The following PKHD1 variants were observed in gnomAD, a reference collection of about 807,000 sequenced individuals.
The protein encoded by PKHD1 is fibrocystin.
In PKHD1, 291 loss-of-function variants were observed where a neutral mutation model predicts 412.0. That is an observed-to-expected ratio of 0.71 (90% confidence interval 0.64 to 0.78). PKHD1 has a LOEUF of 0.78. Among genes scored for constraint, PKHD1 ranks in the 30% least tolerant of loss-of-function variants. The pLI, the probability that PKHD1 is intolerant of heterozygous loss-of-function variation, is 0.00. For missense variants in PKHD1, 4,825 were observed against 4,950.7 expected (o/e 0.97, Z 0.76); for synonymous variants, 1,777 against 1,821.5 (o/e 0.98, Z 0.62).
chr6:51,944,770 G>A (rs756958736), intron 36 of PKHD1, among the ~76,000 whole-genome samples: 2 of 152,164 alleles, frequency 1.3e-5, no homozygotes, highest in African/African-American at 2.4e-5. Context: ...TGGTCTTGAC[G>A]AATTGATTTT....
chr6:51,940,936 A>G (rs1330073396), intron 36 of PKHD1, among the ~76,000 whole-genome samples: 7 of 151,344 alleles, frequency 4.6e-5, no homozygotes, highest in African/African-American at 1.5e-4. Flanking sequence ...CAGTTCCCTT[A>G]TTAGGCCGAG....
intron 22 of PKHD1, among the ~76,000 whole-genome samples, chr6:52,049,302 G>A (rs1358950468): frequency 1.3e-5 from 2 of 152,170 alleles, no homozygotes; most frequent in African/African-American, 2.4e-5. Context: ...ACATATTTGT[G>A]TATCCAAACA....
chr6:51,852,215 G>T (rs578215186), intron 49 of PKHD1, among the ~76,000 whole-genome samples: 1 of 152,244 alleles, frequency 6.6e-6, no homozygotes, highest in East Asian at 1.9e-4. Flanking sequence ...GTGGTTTTGA[G>T]TGAGTTTCTT....
rs374979828 is a variant in PKHD1, at chr6:52,069,481, G to T, written c.754C>A (p.Leu252Ile). ...KAWLISAKQDLFLYQTHSEIL... is the reference protein window; with the variant it reads ...KAWLISAKQDIFLYQTHSEIL... ...CCTGAGTGTGTCTGGTATAGGAAAA[G>T]ATCCTGTTTAGCACTGATCAGCCAT... The change falls in exon 11 of 67, where the codon CTT (leucine) becomes ATT (isoleucine). Residue 252 changes from leucine to isoleucine, a missense_variant. Transcript: ENST00000371117. 4 of 1,612,860 alleles carry T rather than the reference G, an allele frequency of 2.5e-6. No individual in the cohort carries two copies. Among genetic ancestry groups the T allele is most frequent in the Non-Finnish European group, 3.4e-6 (4 of 1,178,984 alleles).
chr6:51,645,384 CATT>C (rs1325709759), intron 63 of PKHD1, among the ~76,000 whole-genome samples: 2 of 151,808 alleles, frequency 1.3e-5, no homozygotes, highest in African/African-American at 4.8e-5. Flanking sequence ...ATTTTGAAAA[CATT>C]ATTTTCTTTT....
chr6:51,872,301 G>A (rs1032990883), intron 46 of PKHD1, among the ~76,000 whole-genome samples: 5 of 152,038 alleles, frequency 3.3e-5, no homozygotes, highest in African/African-American at 1.2e-4. Flanking sequence ...ACAGCAAAGT[G>A]CATCATATTG....
intron 52 of PKHD1, among the ~76,000 whole-genome samples, chr6:51,816,803 G>A (rs1765532948): frequency 6.6e-6 from 1 of 152,212 alleles, no homozygotes; most frequent in South Asian, 2.1e-4. Context: ...CTGCACGAGA[G>A]CCTCTTTGAG....
At chr6:51,730,872 A>G (rs572301239) in intron 60 of PKHD1, among the ~76,000 whole-genome samples, 43 of 152,352 alleles carry the variant, frequency 2.8e-4, no homozygotes, top group African/African-American at 1.0e-3. Flanking sequence ...TCATCCATTC[A>G]TCTTAGGCAT....
chr6:51,929,223 T>A (rs765605895), intron 37 of PKHD1, among the ~76,000 whole-genome samples: 23 of 151,940 alleles, frequency 1.5e-4, no homozygotes, highest in Non-Finnish European at 2.8e-4. Context: ...AGAACAGACT[T>A]TATAGAAAAT....
chr6:51,975,632 A>AAC (rs1794282190), intron 35 of PKHD1: 1 of 151,268 alleles, frequency 6.6e-6, no homozygotes, highest in Admixed American at 6.6e-5. Context: ...GCCATAAAAA[A>AAC]AAAAAAAAAC....
At chr6:51,817,826 C>T (rs1765714676) in intron 52 of PKHD1, among the ~76,000 whole-genome samples, 3 of 39,628 alleles carry the variant, frequency 7.6e-5, no homozygotes, top group Non-Finnish European at 2.4e-4. Context: ...CAGAGAAGTG[C>T]CTGCCATTTG....
intron 60 of PKHD1, among the ~76,000 whole-genome samples, chr6:51,726,031 G>A (rs1187377427): frequency 6.6e-6 from 1 of 152,172 alleles, no homozygotes; most frequent in Non-Finnish European, 1.5e-5. Context: ...TAAACACACT[G>A]CTTCCTCTGC....
chr6:52,000,415 T>C (rs1798230332), intron 35 of PKHD1, among the ~76,000 whole-genome samples: 1 of 152,098 alleles, frequency 6.6e-6, no homozygotes, highest in Admixed American at 6.6e-5. Flanking sequence ...AGAAAAAAAA[T>C]GTAAGCATTA....
chr6:51,985,744 A>C (rs941945363), intron 35 of PKHD1, among the ~76,000 whole-genome samples: 1 of 152,118 alleles, frequency 6.6e-6, no homozygotes, highest in Non-Finnish European at 1.5e-5. Flanking sequence ...AATAATAATA[A>C]TAAAGCATAT....
At chr6:51,736,380 A>T (rs1696977170) in intron 60 of PKHD1, among the ~76,000 whole-genome samples, 1 of 152,218 alleles carries the variant, frequency 6.6e-6, no homozygotes, top group Non-Finnish European at 1.5e-5. Context: ...CAGGCAAGTC[A>T]TGAGGGAGTG....
Position 51,659,359 on chromosome 6 carries a change from C to G in PKHD1, c.10767G>C (p.Gln3589His), listed in dbSNP as rs758443977. Residue 3589 changes from glutamine (Q) to histidine (H), a missense_variant, in exon 61 of 67, where the codon CAG becomes CAC. Transcript: ENST00000371117. ...TAAACCTGATTTGGTTTTGGCCAAT[C>G]TGTAAGAAGTTAGTTAGTCTTTCGA... Reference protein sequence around the residue: ...VILERLTNFLQIGQNQIRFIH... With the variant: ...VILERLTNFLHIGQNQIRFIH... 6 of 1,613,704 alleles carry G rather than the reference C, an allele frequency of 3.7e-6. No homozygotes were observed. Among genetic ancestry groups the G allele is most frequent in the South Asian group, 1.1e-5 (1 of 91,084 alleles).
At chr6:51,690,448 A>T (rs537354981) in intron 60 of PKHD1, among the ~76,000 whole-genome samples, 1 of 152,174 alleles carries the variant, frequency 6.6e-6, no homozygotes, top group Non-Finnish European at 1.5e-5. Context: ...AAAACAGCAT[A>T]GTACTGGTAC....
At chr6:51,627,380 G>A (rs1357500403) in intron 65 of PKHD1, among the ~76,000 whole-genome samples, 2 of 151,802 alleles carry the variant, frequency 1.3e-5, no homozygotes, top group Non-Finnish European at 2.9e-5. Context: ...TAGTTAAATT[G>A]AGATGTATTG....
chr6:51,667,572 G>T (rs1329334386), intron 60 of PKHD1, among the ~76,000 whole-genome samples: 1 of 152,086 alleles, frequency 6.6e-6, no homozygotes, highest in Non-Finnish European at 1.5e-5. Context: ...TGTCCATTTT[G>T]CCTTTTGTTG....
Sources: gnomAD v4.1 joint callset for allele counts (sites outside exome capture counted in the v4.1 genomes callset) on GRCh38, gnomAD v4.1.1 for gene constraint, MANE v1.5 for transcripts, NCBI Gene and HGNC (gene_info 2026-07-23, HGNC 2026-07-21) for gene names.